The following FGD5 variants were observed in gnomAD, a reference collection of about 807,000 sequenced individuals.
FGD5 encodes FYVE, RhoGEF and PH domain containing 5.
Under a neutral mutation model 133.4 loss-of-function variants are expected in FGD5, and 28 were observed. The observed-to-expected ratio is 0.21, with a 90% confidence interval of 0.16 to 0.29. FGD5 has a LOEUF of 0.29. Ranked by LOEUF, FGD5 falls within the 10% of genes least tolerant of loss-of-function variation. The pLI, the probability that FGD5 is intolerant of heterozygous loss-of-function variation, is 1.00. For synonymous variants in FGD5, 810 were observed against 776.5 expected, an observed-to-expected ratio of 1.04 and a Z score of -0.72; for missense variants, 1,858 against 1,895.2, an observed-to-expected ratio of 0.98 and a Z score of 0.36.
chr3:14,839,574 A>G (rs188493069), intron 1 of FGD5, among the ~76,000 whole-genome samples: 326 of 152,308 alleles, frequency 2.1e-3, no homozygotes, highest in Non-Finnish European at 3.6e-3. Context: ...GAGGAGGGGA[A>G]TGGTGCTGCT....
Position 14,897,848 on chromosome 3 carries a change from C to G in FGD5, c.2910-91C>G, listed in dbSNP as rs2038165629. 16 of 1,541,512 alleles carry G rather than the reference C, an allele frequency of 1.0e-5. No homozygotes were observed. In the South Asian group the frequency reaches 1.7e-4, roughly 16 times the overall value. ...TGCAAGGGTTGAGCTGGGATCTGCACCCAGGGATGTGACTCCAGGCCCCCT... is the reference window on the plus strand; with the variant it reads ...TGCAAGGGTTGAGCTGGGATCTGCAGCCAGGGATGTGACTCCAGGCCCCCT... On this transcript the variant is annotated intron_variant, in intron 5 of 19. Transcript: ENST00000285046.
intron 17 of FGD5, among the ~76,000 whole-genome samples, chr3:14,925,543 C>T (rs373420802): frequency 1.5e-4 from 23 of 152,166 alleles, no homozygotes; most frequent in African/African-American, 4.8e-4. Flanking sequence ...TCCAAGCCTG[C>T]GTTCCTCACC....
intron 1 of FGD5, among the ~76,000 whole-genome samples, chr3:14,824,327 A>AG (rs1287632997): frequency 1.3e-5 from 2 of 152,100 alleles, no homozygotes. Context: ...TTGCCTGAAT[A>AG]GGGGCTTTGA....
chr3:14,862,840 G>A (rs575759049), intron 1 of FGD5, among the ~76,000 whole-genome samples: 4 of 152,046 alleles, frequency 2.6e-5, no homozygotes, highest in African/African-American at 9.7e-5. Flanking sequence ...TCCTTGCTCT[G>A]TCTGGCCCTA....
chr3:14,829,272 A>G (rs987109226), intron 1 of FGD5, among the ~76,000 whole-genome samples: 3 of 152,140 alleles, frequency 2.0e-5, no homozygotes, highest in African/African-American at 4.8e-5. Context: ...CAGTGTGACA[A>G]GTGTGTACGC....
At chr3:14,909,756 CTTTTCTTTTTTTTTTT>C (rs1409604424) in intron 10 of FGD5, among the ~76,000 whole-genome samples, 1 of 145,340 alleles carries the variant, frequency 6.9e-6, no homozygotes, top group African/African-American at 2.5e-5. Context: ...CTTTTCTTTT[CTTTTCTTTTTTTTTTT>C]TTTTTGGAGA....
At chr3:14,833,415 A>G (rs2125079039) in intron 1 of FGD5, among the ~76,000 whole-genome samples, 1 of 152,362 alleles carries the variant, frequency 6.6e-6, no homozygotes. Flanking sequence ...ACACGCACAC[A>G]TTAAACGATT....
At chr3:14,894,263 G>A (rs1447789654) in intron 4 of FGD5, among the ~76,000 whole-genome samples, 2 of 152,090 alleles carry the variant, frequency 1.3e-5, no homozygotes, top group Non-Finnish European at 1.5e-5. Context: ...AGTTCCATCC[G>A]TGTTGCTGCA....
chr3:14,847,738 A>T (rs1623603), intron 1 of FGD5, among the ~76,000 whole-genome samples: 115,878 of 152,064 alleles, frequency 0.76, 44,360 homozygotes, highest in East Asian at 0.97. Flanking sequence ...CTGGCTGGAG[A>T]CTGAGCTCCT....
intron 12 of FGD5, among the ~76,000 whole-genome samples, chr3:14,918,222 C>A (rs1208011974): frequency 6.6e-6 from 1 of 152,182 alleles, no homozygotes; most frequent in East Asian, 1.9e-4. Flanking sequence ...CAACAGGAGG[C>A]TGAAGTTAGA....
chr3:14,895,203 G>T (rs1384146786), intron 4 of FGD5, among the ~76,000 whole-genome samples: 2 of 152,272 alleles, frequency 1.3e-5, no homozygotes, highest in East Asian at 3.9e-4. Flanking sequence ...AAACTTTTTA[G>T]ACTGATGTAG....
intron 1 of FGD5, among the ~76,000 whole-genome samples, chr3:14,841,486 T>C (rs983701362): frequency 6.6e-5 from 10 of 151,584 alleles, no homozygotes; most frequent in African/African-American, 2.2e-4. Flanking sequence ...TGGGTCAGTA[T>C]GAATAATTCA....
intron 1 of FGD5, among the ~76,000 whole-genome samples, chr3:14,837,029 C>T (rs939362273): frequency 2.6e-5 from 4 of 152,164 alleles, no homozygotes; most frequent in Non-Finnish European, 4.4e-5. Context: ...ACCAAGGACA[C>T]ACACACAGTG....
At chr3:14,854,962 C>CT (rs1203157712) in intron 1 of FGD5, among the ~76,000 whole-genome samples, 1 of 152,196 alleles carries the variant, frequency 6.6e-6, no homozygotes, top group East Asian at 1.9e-4. Context: ...ACTTATTCCT[C>CT]TTATCTGGCT....
Position 14,819,136 on chromosome 3 carries a change from G to T in FGD5, c.65G>T (p.Arg22Ile). ...KPRLTAPNEW[R>I]ASVYLNDSLN... is the part of the protein sequence containing the mutation. The stretch of plus-strand genomic sequence containing the variant: ...AGGCTGACTGCCCCAAACGAGTGGA[G>T]AGCCAGTGTGTACCTGAATGACAGC... Residue 22 changes from arginine to isoleucine, a missense_variant, in exon 1 of 20, where the codon AGA becomes ATA. By Grantham distance (97) the Arg-to-Ile change is moderately conservative. This residue lies in a region of FGD5 where 29 missense variants were observed against 27.6 expected (regional missense o/e 1.05). Coordinates refer to ENST00000285046, the MANE Select transcript of FGD5 (RefSeq NM_152536.4). The surrounding 1 kb of genome is among the most constrained non-coding windows in gnomAD (Gnocchi z 4.1). The T allele has an allele frequency of 6.4e-7, 1 of 1,551,222 alleles. No individual in the cohort carries two copies. The highest frequency in any genetic ancestry group is 2.4e-5 in the East Asian group (1 of 40,920).
chr3:14,884,510 C>G (rs1283119427), intron 4 of FGD5, among the ~76,000 whole-genome samples: 2 of 152,326 alleles, frequency 1.3e-5, no homozygotes, highest in Non-Finnish European at 1.5e-5. Context: ...TTGCTCTTCC[C>G]TCTGCTGGAA....
Position 14,923,068 on chromosome 3 carries a change from G to C in FGD5, c.3830G>C (p.Arg1277Pro). The C allele has an allele frequency of 6.2e-7, 1 of 1,613,860 alleles. No homozygotes were observed. The highest frequency in any genetic ancestry group is 1.3e-5 in the African/African-American group (1 of 74,998). ...CAGATCGTGTGCCGGAACTGTTCGC[G>C]GAACAAGTACCCGCTGAAGTACCTG... is the stretch of plus-strand genomic sequence containing the variant. The part of the protein sequence containing the change: ...CGKIVCRNCS[R>P]NKYPLKYLKD... The change falls in exon 16 of 20, where the codon CGG becomes CCG. Residue 1277 changes from arginine to proline, a missense_variant. Physicochemically the swap from Arg to Pro is moderately radical, Grantham distance 103 (BLOSUM62 -2). Around this residue, in one of 3 missense-constraint regions of FGD5, gnomAD observed 1,824 missense variants for 1,848.9 expected, o/e 0.99. Coordinates refer to ENST00000285046, the MANE Select transcript of FGD5 (RefSeq NM_152536.4).
At chr3:14,852,530 A>G (rs1409965686) in intron 1 of FGD5, among the ~76,000 whole-genome samples, 1 of 152,212 alleles carries the variant, frequency 6.6e-6, no homozygotes, top group Non-Finnish European at 1.5e-5. Context: ...ATACTAATAT[A>G]CTAAAAAGCA....
chr3:14,902,330 A>G (rs2038255240), intron 9 of FGD5, among the ~76,000 whole-genome samples: 1 of 148,774 alleles, frequency 6.7e-6, no homozygotes, highest in African/African-American at 2.5e-5. Context: ...CATAGGGAGG[A>G]TTTGCACACA....
Sources: gnomAD v4.1 joint callset for allele counts (sites outside exome capture counted in the v4.1 genomes callset) on GRCh38, gnomAD v4.1.1 for gene constraint, gnomAD v4.1.1 regional missense constraint, Gnocchi (gnomAD v3.1) non-coding constraint, MANE v1.5 for transcripts, NCBI Gene and HGNC (gene_info 2026-07-23, HGNC 2026-07-21) for gene names.